SLC30A8: variants seen among roughly 807,000 people sequenced by gnomAD.
SLC30A8 encodes proton-coupled zinc antiporter SLC30A8.
Under a neutral mutation model 36.9 loss-of-function variants are expected in SLC30A8, and 27 were observed. That is an observed-to-expected ratio of 0.73 (90% CI 0.54 to 1.01). SLC30A8 has a LOEUF of 1.01. Ranked by LOEUF, SLC30A8 falls within the 50% of genes least tolerant of loss-of-function variation. The pLI is 0.00. For missense variants in SLC30A8, 439 were observed against 452.0 expected (o/e 0.97, Z 0.26); for synonymous variants, 164 against 172.4 (o/e 0.95, Z 0.38).
intron 2 of SLC30A8, among the ~76,000 whole-genome samples, chr8:117,049,091 A>C (rs1817635383): frequency 6.6e-6 from 1 of 152,224 alleles, no homozygotes; most frequent in Non-Finnish European, 1.5e-5. Context: ...AATGGATTAA[A>C]TAAGATCAAA....
At chr8:117,113,383 C>A (rs1044246623) in intron 2 of SLC30A8, among the ~76,000 whole-genome samples, 1 of 152,060 alleles carries the variant, frequency 6.6e-6, no homozygotes, top group African/African-American at 2.4e-5. Context: ...GTATTATCTT[C>A]AAAATAGAGA....
chr8:116,955,742 AAAAG>A (rs960990731), intron 1 of SLC30A8, among the ~76,000 whole-genome samples: 5 of 152,132 alleles, frequency 3.3e-5, no homozygotes, highest in African/African-American at 9.6e-5. Flanking sequence ...AAAATAAAAA[AAAAG>A]AAAACAAAAA....
chr8:117,003,668 C>T (rs1025448363), intron 1 of SLC30A8, among the ~76,000 whole-genome samples: 3 of 152,124 alleles, frequency 2.0e-5, no homozygotes, highest in Non-Finnish European at 4.4e-5. Context: ...TGATCTTTGC[C>T]TTAAATGATG....
intron 2 of SLC30A8, among the ~76,000 whole-genome samples, chr8:117,117,213 G>A (rs929539882): frequency 6.6e-6 from 1 of 151,844 alleles, no homozygotes; most frequent in South Asian, 2.1e-4. Flanking sequence ...TGTGTGCCAG[G>A]CTCTTTTCTA....
intron 2 of SLC30A8, among the ~76,000 whole-genome samples, chr8:117,056,697 T>C (rs982994785): frequency 6.6e-6 from 1 of 152,180 alleles, no homozygotes; most frequent in African/African-American, 2.4e-5. Context: ...CATTTAGTTT[T>C]TGGGGACAGA....
chr8:117,134,051 A>G (rs1821248625), upstream of SLC30A8, among the ~76,000 whole-genome samples: 1 of 151,924 alleles, frequency 6.6e-6, no homozygotes, highest in Non-Finnish European at 1.5e-5. Flanking sequence ...CTCATTCTGA[A>G]CCAAAGGTGA....
At chr8:116,975,893 C>T (rs992468125) in intron 1 of SLC30A8, among the ~76,000 whole-genome samples, 9 of 152,116 alleles carry the variant, frequency 5.9e-5, no homozygotes, top group Non-Finnish European at 1.2e-4. Flanking sequence ...ACTCTCAGCT[C>T]GTGGGAGGTA....
intron 1 of SLC30A8, among the ~76,000 whole-genome samples, chr8:116,979,044 C>T (rs1372383986): frequency 1.3e-5 from 2 of 151,426 alleles, no homozygotes; most frequent in Admixed American, 1.3e-4. Flanking sequence ...TGAGACCAGC[C>T]TGGGCAACAT....
chr8:117,080,468 A>G (rs1281942374), intron 2 of SLC30A8, among the ~76,000 whole-genome samples: 1 of 152,096 alleles, frequency 6.6e-6, no homozygotes, highest in East Asian at 1.9e-4. Flanking sequence ...GAGCATAGTG[A>G]GAAGCCCTTG....
chr8:117,101,342 C>T (rs1442833958), intron 2 of SLC30A8, among the ~76,000 whole-genome samples: 1 of 152,036 alleles, frequency 6.6e-6, no homozygotes, highest in Non-Finnish European at 1.5e-5. Context: ...ACACCATCTC[C>T]CTCTTAGAGT....
chr8:117,018,202 A>C (rs1816582867), intron 1 of SLC30A8: 1 of 152,202 alleles, frequency 6.6e-6, no homozygotes, highest in African/African-American at 2.4e-5. Context: ...GCACCTGTGT[A>C]TAGCCACTGC....
intron 1 of SLC30A8, among the ~76,000 whole-genome samples, chr8:116,961,386 G>T (rs921135047): frequency 6.6e-6 from 1 of 152,022 alleles, no homozygotes; most frequent in Non-Finnish European, 1.5e-5. Context: ...CCGAGATCGC[G>T]CCACTGCACT....
intron 2 of SLC30A8, among the ~76,000 whole-genome samples, chr8:117,082,149 A>G (rs1394926568): frequency 6.6e-6 from 1 of 152,358 alleles, no homozygotes; most frequent in Non-Finnish European, 1.5e-5. Flanking sequence ...TAAAGAATCA[A>G]TAGTCTCAGT....
At chr8:117,075,785 A>G (rs1818470070) in intron 2 of SLC30A8, among the ~76,000 whole-genome samples, 1 of 152,172 alleles carries the variant, frequency 6.6e-6, no homozygotes, top group African/African-American at 2.4e-5. Context: ...GGAGTTTGAA[A>G]CCTATAACAT....
intron 2 of SLC30A8, among the ~76,000 whole-genome samples, chr8:117,114,883 TTCTC>T (rs1010494466): frequency 6.6e-6 from 1 of 151,812 alleles, no homozygotes; most frequent in African/African-American, 2.4e-5. Flanking sequence ...TTCTTTGTCT[TTCTC>T]TCTTCTGTCC....
chr8:116,987,142 A>G (rs184058523), intron 1 of SLC30A8, among the ~76,000 whole-genome samples: 1 of 152,238 alleles, frequency 6.6e-6, no homozygotes, highest in Admixed American at 6.5e-5. Context: ...TATTCATGTC[A>G]TGGTATAGAA....
At chr8:117,008,794 C>G (rs551179998) in intron 1 of SLC30A8, among the ~76,000 whole-genome samples, 4 of 152,254 alleles carry the variant, frequency 2.6e-5, no homozygotes, top group Admixed American at 2.6e-4. Context: ...CAGAGCCTAG[C>G]CTGATGATAC....
upstream of SLC30A8, chr8:116,950,544 T>C (rs1432108992): frequency 6.6e-6 from 1 of 152,262 alleles, no homozygotes; most frequent in Non-Finnish European, 1.5e-5. Flanking sequence ...CTAAGGCGTC[T>C]CAGGACTGAA....
intron 1 of SLC30A8, among the ~76,000 whole-genome samples, chr8:117,038,968 G>T (rs1053479788): frequency 6.6e-6 from 1 of 152,224 alleles, no homozygotes; most frequent in South Asian, 2.1e-4. Flanking sequence ...CTGTAGAACT[G>T]CCAAGGAGGA....
Sources: allele counts gnomAD v4.1 joint callset (sites outside exome capture counted in the v4.1 genomes callset), GRCh38; gene constraint gnomAD v4.1.1; transcripts MANE v1.5; gene names NCBI Gene and HGNC (gene_info 2026-07-23, HGNC 2026-07-21).